PSPC1: variants seen among roughly 807,000 people sequenced by gnomAD.
PSPC1 encodes paraspeckle protein 1.
In PSPC1, 14 loss-of-function variants were observed where a neutral mutation model predicts 51.6. That is an observed-to-expected ratio of 0.27 (90% CI 0.18 to 0.42). The LOEUF is 0.42. PSPC1 is among the 10% of genes least tolerant of loss of function. The pLI, the probability that PSPC1 is intolerant of heterozygous loss-of-function variation, is 1.00. For missense variants in PSPC1, 406 were observed against 701.1 expected, an observed-to-expected ratio of 0.58 and a Z score of 4.75; for synonymous variants, 193 against 231.9, an observed-to-expected ratio of 0.83 and a Z score of 1.53.
intron 4 of PSPC1, among the ~76,000 whole-genome samples, chr13:19,746,657 TG>T (rs1886022927): frequency 6.6e-6 from 1 of 151,276 alleles, no homozygotes; most frequent in Admixed American, 6.6e-5. Flanking sequence ...GCTGAGATTG[TG>T]CCACTGAACA....
At chr13:19,674,128 T>C (rs966585437), downstream of PSPC1, among the ~76,000 whole-genome samples, 1 of 152,232 alleles carries the variant, frequency 6.6e-6, no homozygotes, top group Non-Finnish European at 1.5e-5. Context: ...CATTATTCCT[T>C]TCCACTGTCT....
At position 19,782,448 on chromosome 13, in the gene PSPC1, G is replaced by C; in HGVS notation, c.310C>G (p.Arg104Gly). ...AAGACTTCGCTGGGCTCGCCATAGC[G>C]TTCGAAGAGCCTCTTGAAGTCCTCC... ...TEEDFKRLFE[R>G]YGEPSEVFIN... Residue 104 changes from arginine to glycine, a missense_variant, in exon 1 of 9, where the codon CGC becomes GGC. By Grantham distance (125) the Arg-to-Gly change is moderately radical. Coordinates refer to ENST00000338910, the MANE Select transcript of PSPC1 (RefSeq NM_001354909.2). This position sits in a 1 kb window ranked among gnomAD's most constrained non-coding sequence, Gnocchi z 4.5. 6.2e-7 allele frequency: 1 copy of C among 1,611,028 alleles called. No individual in the cohort carries two copies. Among genetic ancestry groups the C allele is most frequent in the Non-Finnish European group, 8.5e-7 (1 of 1,178,630 alleles).
intron 6 of PSPC1, among the ~76,000 whole-genome samples, chr13:19,713,240 A>G (rs1881661600): frequency 6.6e-6 from 1 of 152,188 alleles, no homozygotes; most frequent in African/African-American, 2.4e-5. Context: ...GTTGTTGTTT[A>G]AGCCAAAACA....
chr13:19,697,432 T>C (rs986737929), intron 6 of PSPC1, among the ~76,000 whole-genome samples: 4 of 152,180 alleles, frequency 2.6e-5, no homozygotes, highest in Non-Finnish European at 5.9e-5. Flanking sequence ...ACACAGTAGG[T>C]CCCCTTGATA....
At chr13:19,755,941 C>G (rs555011511) in intron 3 of PSPC1, among the ~76,000 whole-genome samples, 5 of 152,104 alleles carry the variant, frequency 3.3e-5, no homozygotes, top group Admixed American at 6.6e-5. Context: ...TTTTATTTAT[C>G]TAATAAACAA....
At chr13:19,693,243 C>T (rs1051557749) in intron 6 of PSPC1, among the ~76,000 whole-genome samples, 2 of 152,168 alleles carry the variant, frequency 1.3e-5, no homozygotes, top group Non-Finnish European at 2.9e-5. Flanking sequence ...CCTGCTCAAA[C>T]GCTATCATCT....
intron 5 of PSPC1, among the ~76,000 whole-genome samples, chr13:19,733,572 T>A (rs764989115): frequency 6.6e-6 from 1 of 151,600 alleles, no homozygotes; most frequent in Non-Finnish European, 1.5e-5. Context: ...ACCAGCCTGG[T>A]CCACATGGTA....
intron 2 of PSPC1, among the ~76,000 whole-genome samples, chr13:19,766,934 C>T (rs1046503994): frequency 2.0e-5 from 3 of 151,896 alleles, no homozygotes; most frequent in African/African-American, 7.2e-5. Context: ...GAGGCTGAGG[C>T]CAGCTGAGAC....
At chr13:19,698,319 A>G (rs1285683196), downstream of PSPC1, among the ~76,000 whole-genome samples, 2 of 152,150 alleles carry the variant, frequency 1.3e-5, no homozygotes, top group Non-Finnish European at 2.9e-5. Context: ...AAATTAAGAT[A>G]AAATTTAGAT....
chr13:19,708,216 A>C (rs1880947660), intron 7 of PSPC1, among the ~76,000 whole-genome samples: 1 of 152,206 alleles, frequency 6.6e-6, no homozygotes, highest in Non-Finnish European at 1.5e-5. Context: ...TGATCATGGA[A>C]AATGTTCATT....
chr13:19,690,303 C>T (rs548411903), intron 6 of PSPC1, among the ~76,000 whole-genome samples: 1 of 152,268 alleles, frequency 6.6e-6, no homozygotes, highest in Admixed American at 6.5e-5. Flanking sequence ...TAGTGATCAC[C>T]TATAGAAACT....
chr13:19,713,428 G>GT (rs1881689778), intron 6 of PSPC1, among the ~76,000 whole-genome samples: 1 of 149,558 alleles, frequency 6.7e-6, no homozygotes, highest in South Asian at 2.1e-4. Flanking sequence ...CATATGGATA[G>GT]TAAGTGGCTG....
chr13:19,729,409 C>T (rs1289710425), intron 6 of PSPC1, among the ~76,000 whole-genome samples: 1 of 151,706 alleles, frequency 6.6e-6, no homozygotes, highest in Non-Finnish European at 1.5e-5. Context: ...TGGTGGTGCG[C>T]ACCTGTAATC....
chr13:19,671,920 A>G (rs182194718), downstream of PSPC1: 4 of 1,591,056 alleles, frequency 2.5e-6, no homozygotes, highest in Admixed American at 1.7e-5. Flanking sequence ...ACCGATTCCT[A>G]TACTCTCTTT....
At chr13:19,738,737 C>T (rs1045233070) in intron 5 of PSPC1, among the ~76,000 whole-genome samples, 6 of 151,930 alleles carry the variant, frequency 3.9e-5, no homozygotes, top group African/African-American at 1.5e-4. Context: ...GAAACCCCGT[C>T]TCTACTAAAA....
At chr13:19,695,074 C>G (rs1055684582) in intron 6 of PSPC1, among the ~76,000 whole-genome samples, 3 of 152,170 alleles carry the variant, frequency 2.0e-5, no homozygotes, top group African/African-American at 7.2e-5. Flanking sequence ...TCAAGCACTG[C>G]TAAATTATTT....
intron 6 of PSPC1, among the ~76,000 whole-genome samples, chr13:19,715,546 A>G (rs1301866414): frequency 6.6e-6 from 1 of 152,196 alleles, no homozygotes; most frequent in Non-Finnish European, 1.5e-5. Flanking sequence ...ACTTGACCTC[A>G]TGTGATGGGT....
chr13:19,671,297 T>C (rs749696594), downstream of PSPC1: 2 of 1,606,330 alleles, frequency 1.2e-6, no homozygotes, highest in Non-Finnish European at 1.7e-6. Flanking sequence ...AAGGTGACAG[T>C]CCTTTCTTCA....
intron 8 of PSPC1, among the ~76,000 whole-genome samples, chr13:19,705,149 A>G (rs938164953): frequency 3.3e-5 from 5 of 152,266 alleles, no homozygotes; most frequent in African/African-American, 1.2e-4. Flanking sequence ...TTTGCTATAT[A>G]CTGAGGTACC....
Sources: allele counts gnomAD v4.1 joint callset (sites outside exome capture counted in the v4.1 genomes callset), GRCh38; gene constraint gnomAD v4.1.1; non-coding constraint Gnocchi (gnomAD v3.1); transcripts MANE v1.5; gene names NCBI Gene and HGNC (gene_info 2026-07-23, HGNC 2026-07-21).